The following CALCRL variants were observed in gnomAD, a reference collection of about 807,000 sequenced individuals.
CALCRL encodes the protein calcitonin gene-related peptide type 1 receptor.
Under a neutral mutation model 60.4 loss-of-function variants are expected in CALCRL, and 27 were observed. The ratio of observed to expected loss-of-function variants is 0.45; its 90% CI spans 0.33 to 0.62. The LOEUF (loss-of-function observed/expected upper bound fraction) is 0.62, where lower values mean the gene tolerates loss of function less well. Ranked by LOEUF, CALCRL falls within the 20% of genes least tolerant of loss-of-function variation. CALCRL has a pLI of 0.03. For synonymous variants in CALCRL, 190 were observed against 182.6 expected (o/e 1.04, Z -0.33); for missense variants, 424 against 540.7 (o/e 0.78, Z 2.14).
intron 4 of CALCRL, among the ~76,000 whole-genome samples, chr2:187,384,128 T>C (rs531391774): frequency 6.6e-6 from 1 of 152,302 alleles, no homozygotes. Flanking sequence ...AAGTTGAATT[T>C]AGTAAAATCA....
chr2:187,399,127 G>A (rs1260284723), intron 1 of CALCRL, among the ~76,000 whole-genome samples: 2 of 151,582 alleles, frequency 1.3e-5, no homozygotes, highest in Non-Finnish European at 3.0e-5. Flanking sequence ...TGTAAAATGA[G>A]ATGGCTTCAA....
At position 187,346,096 on chromosome 2, in the gene CALCRL, A is replaced by G. The variant is rs1356509783; in HGVS notation, c.*88T>C. Reference sequence around the variant, plus strand: ...TTTATGACATTCAAAAAGTCATTTAATATTGAAGTCTTCTGGCTACAGAGT... The same window carrying G: ...TTTATGACATTCAAAAAGTCATTTAGTATTGAAGTCTTCTGGCTACAGAGT... On this transcript the variant is annotated 3_prime_UTR_variant, in exon 15 of 15. Transcript: ENST00000392370. 1 of 742,872 alleles carries G rather than the reference A, an allele frequency of 1.3e-6. No homozygotes were observed. Among genetic ancestry groups the G allele is most frequent in the South Asian group, 1.9e-5 (1 of 51,378 alleles). The allele number at this position is 742,872 out of a possible 1,614,324, so 46.0% of individuals were successfully genotyped here.
Position 187,344,151 on chromosome 2 carries a change from A to G in CALCRL, c.*2033T>C, listed in dbSNP as rs774752978. ...AATAGCTAATAATTGAGTTTATTAAAATGAATTTTTGTATAATTTAGGCAG... is the reference window on the plus strand; with the variant it reads ...AATAGCTAATAATTGAGTTTATTAAGATGAATTTTTGTATAATTTAGGCAG... On this transcript the variant is annotated 3_prime_UTR_variant, in exon 15 of 15. Transcript: ENST00000392370. 1 of 151,606 alleles carries G rather than the reference A, an allele frequency of 6.6e-6. No individual in the cohort carries two copies. Among genetic ancestry groups the G allele is most frequent in the Non-Finnish European group, 1.5e-5 (1 of 67,666 alleles). The allele number at this position is 151,606 out of a possible 1,614,324, so 9.4% of individuals were successfully genotyped here. A position where few individuals can be genotyped will look rare whatever the true frequency, so the allele number is the denominator to read the frequency against.
chr2:187,379,197 T>C (rs1687889429), intron 7 of CALCRL, among the ~76,000 whole-genome samples, 166 bp from the exon 8 acceptor site: 1 of 152,124 alleles, frequency 6.6e-6, no homozygotes, highest in African/African-American at 2.4e-5. Context: ...TACTTGAACG[T>C]GTCTGGAATG....
chr2:187,395,477 G>C (rs1247775599), intron 1 of CALCRL, among the ~76,000 whole-genome samples: 2 of 151,974 alleles, frequency 1.3e-5, no homozygotes, highest in East Asian at 3.9e-4. Flanking sequence ...TTCTGGCAAG[G>C]TCCCAAAATA....
intron 1 of CALCRL, among the ~76,000 whole-genome samples, chr2:187,403,346 T>TA (rs1422708780): frequency 6.6e-6 from 1 of 151,756 alleles, no homozygotes; most frequent in African/African-American, 2.4e-5. Flanking sequence ...GGTGGGGAAA[T>TA]ACCTGAGTGC....
intron 8 of CALCRL, among the ~76,000 whole-genome samples, chr2:187,375,662 A>G (rs1288413867): frequency 6.6e-6 from 1 of 152,198 alleles, no homozygotes; most frequent in Non-Finnish European, 1.5e-5. Context: ...TATGTAAAAC[A>G]CGAGGACAGT....
chr2:187,405,990 T>TGC (rs1313351235), intron 1 of CALCRL, among the ~76,000 whole-genome samples: 1 of 145,278 alleles, frequency 6.9e-6, no homozygotes. Context: ...TGTGTGTGTG[T>TGC]GTGCATTCAC....
At chr2:187,360,172 C>T (rs916740709) in intron 10 of CALCRL, among the ~76,000 whole-genome samples, 23 of 151,954 alleles carry the variant, frequency 1.5e-4, no homozygotes, top group Admixed American at 1.1e-3. Flanking sequence ...CTACTCTTAC[C>T]GTAAAATGAC....
chr2:187,374,562 A>G (rs921506611), intron 8 of CALCRL, among the ~76,000 whole-genome samples: 2 of 152,144 alleles, frequency 1.3e-5, no homozygotes, highest in African/African-American at 2.4e-5. Flanking sequence ...CACCTCAGGA[A>G]TCTTCAGATT....
At chr2:187,434,822 A>G (rs763349049) in intron 1 of CALCRL, among the ~76,000 whole-genome samples, 3 of 152,198 alleles carry the variant, frequency 2.0e-5, no homozygotes, top group African/African-American at 4.8e-5. Context: ...TCAAGAACAT[A>G]ATGCTGAATG....
intron 12 of CALCRL, among the ~76,000 whole-genome samples, chr2:187,358,496 TG>T (rs1484995556): frequency 1.3e-5 from 2 of 151,974 alleles, no homozygotes; most frequent in Non-Finnish European, 2.9e-5. Context: ...ATAGGTATTT[TG>T]TTTTTTCTTA....
intron 7 of CALCRL, among the ~76,000 whole-genome samples, chr2:187,379,366 T>G (rs1687897216): frequency 6.6e-6 from 1 of 152,128 alleles, no homozygotes. Context: ...ATTTTATATT[T>G]TGTGCACCTT....
At chr2:187,409,283 C>T (rs949698174) in intron 1 of CALCRL, among the ~76,000 whole-genome samples, 8 of 152,198 alleles carry the variant, frequency 5.3e-5, no homozygotes, top group African/African-American at 1.9e-4. Flanking sequence ...CAGGATTTCT[C>T]TCTGGATCAA....
intron 8 of CALCRL, among the ~76,000 whole-genome samples, chr2:187,369,415 T>C (rs973766880): frequency 1.3e-5 from 2 of 152,178 alleles, no homozygotes; most frequent in African/African-American, 4.8e-5. Context: ...AGCATAGAGA[T>C]AAGCACTTTA....
chr2:187,439,830 TC>T (rs1367876151), intron 1 of CALCRL, among the ~76,000 whole-genome samples: 2 of 152,020 alleles, frequency 1.3e-5, no homozygotes, highest in Non-Finnish European at 2.9e-5. Flanking sequence ...GCAAATGAAA[TC>T]AGAAGTACTG....
At chr2:187,425,642 A>G (rs549958869) in intron 1 of CALCRL, among the ~76,000 whole-genome samples, 1 of 152,088 alleles carries the variant, frequency 6.6e-6, no homozygotes, top group Non-Finnish European at 1.5e-5. Context: ...ATAAGAAAAA[A>G]GTATGCATAT....
chr2:187,393,128 A>G (rs1574268033), intron 1 of CALCRL, among the ~76,000 whole-genome samples: 1 of 152,114 alleles, frequency 6.6e-6, no homozygotes, highest in Non-Finnish European at 1.5e-5. Flanking sequence ...AGTAAACACC[A>G]TGTCCTCAAA....
intron 1 of CALCRL, among the ~76,000 whole-genome samples, chr2:187,389,614 T>A (rs1180016124): frequency 1.3e-5 from 2 of 152,148 alleles, no homozygotes; most frequent in African/African-American, 4.8e-5. Context: ...CAGATATATT[T>A]TATTTTAATA....
Sources: gnomAD v4.1 joint callset for allele counts (sites outside exome capture counted in the v4.1 genomes callset) on GRCh38, gnomAD v4.1.1 for gene constraint, MANE v1.5 for transcripts, NCBI Gene and HGNC (gene_info 2026-07-23, HGNC 2026-07-21) for gene names.